The following RNF13 variants were observed in gnomAD, a reference collection of about 807,000 sequenced individuals.
RNF13 encodes E3 ubiquitin-protein ligase RNF13.
In RNF13, 19 loss-of-function variants were observed where a neutral mutation model predicts 37.7. The ratio of observed to expected loss-of-function variants is 0.50; its 90% confidence interval spans 0.35 to 0.74. The LOEUF (loss-of-function observed/expected upper bound fraction) is 0.74, where lower values mean the gene tolerates loss of function less well. Among genes scored for constraint, RNF13 ranks in the 30% least tolerant of loss-of-function variants. The pLI is 0.01. For missense variants in RNF13, 375 were observed against 453.0 expected, an observed-to-expected ratio of 0.83 and a Z score of 1.56; for synonymous variants, 144 against 157.8, an observed-to-expected ratio of 0.91 and a Z score of 0.65.
At chr3:149,858,961 C>G (rs1723937852) in intron 3 of RNF13, among the ~76,000 whole-genome samples, 1 of 152,126 alleles carries the variant, frequency 6.6e-6, no homozygotes, top group South Asian at 2.1e-4. Flanking sequence ...AAGGAAAATG[C>G]AAACATTGCA....
At chr3:149,877,651 G>A (rs911565281) in intron 4 of RNF13, among the ~76,000 whole-genome samples, 1 of 151,676 alleles carries the variant, frequency 6.6e-6, no homozygotes, top group East Asian at 1.9e-4. Context: ...AAGTAGATAC[G>A]ACCTTAAGTA....
chr3:149,946,653 A>G (rs1720795320), intron 8 of RNF13, among the ~76,000 whole-genome samples: 1 of 152,136 alleles, frequency 6.6e-6, no homozygotes, highest in Non-Finnish European at 1.5e-5. Context: ...ACATCAGTTG[A>G]ATGTCTTCTC....
chr3:149,961,374 A>T lies in RNF13; in HGVS notation c.*270A>T, dbSNP rs371168696. 8.5e-4 allele frequency: 496 copies of T among 582,472 alleles called. No individual in the cohort carries two copies. Among genetic ancestry groups the T allele is most frequent in the Non-Finnish European group, 1.1e-3 (354 of 312,412 alleles). The allele number at this position is 582,472 out of a possible 1,614,324, so 36.1% of individuals were successfully genotyped here. A position where few individuals can be genotyped will look rare whatever the true frequency, so the allele number is the denominator to read the frequency against. On this transcript the variant is annotated 3_prime_UTR_variant, in exon 10 of 10. Coordinates refer to ENST00000392894, the MANE Select transcript of RNF13 (RefSeq NM_183381.3). ...ATAGCCAAAACATAAAAAAAAAAAA[A>T]TCCTCAGTATAGCTTGCAATTAAGA...
chr3:149,947,392 TTTC>T (rs558496060), intron 8 of RNF13, among the ~76,000 whole-genome samples: 2 of 152,116 alleles, frequency 1.3e-5, no homozygotes, highest in South Asian at 2.1e-4. Flanking sequence ...TTGCTGCTCA[TTTC>T]TTCTTTCAGT....
intron 1 of RNF13, chr3:149,817,457 TATAAAC>T (rs1263901120): frequency 6.6e-6 from 1 of 152,198 alleles, no homozygotes; most frequent in African/African-American, 2.4e-5. Flanking sequence ...ACCAGGCATT[TATAAAC>T]ATATGTTGAA....
chr3:149,815,806 A>G (rs1719382095), intron 1 of RNF13, among the ~76,000 whole-genome samples: 2 of 152,238 alleles, frequency 1.3e-5, no homozygotes, highest in Admixed American at 6.5e-5. Context: ...AATGTAGCTA[A>G]TATTGATTGG....
At chr3:149,872,281 A>T (rs1038490279) in intron 4 of RNF13, 127 bp downstream of exon 4, 15 of 644,032 alleles carry the variant, frequency 2.3e-5, no homozygotes, top group Middle Eastern at 3.5e-4. Flanking sequence ...AATAAACTGG[A>T]TTCATAGAAT....
intron 8 of RNF13, among the ~76,000 whole-genome samples, chr3:149,949,811 T>C (rs926843684): frequency 6.6e-6 from 1 of 151,824 alleles, no homozygotes; most frequent in East Asian, 1.9e-4. Context: ...TTCTCTTAAC[T>C]TCCTGGATCT....
chr3:149,857,732 C>G (rs544277535), intron 3 of RNF13, among the ~76,000 whole-genome samples: 68 of 152,326 alleles, frequency 4.5e-4, no homozygotes, highest in African/African-American at 1.6e-3. Context: ...TCCCCTTCCC[C>G]CACTCTATGC....
chr3:149,943,045 G>T (rs1720422325), intron 8 of RNF13, among the ~76,000 whole-genome samples: 1 of 152,048 alleles, frequency 6.6e-6, no homozygotes, highest in Non-Finnish European at 1.5e-5. Flanking sequence ...ACTGGTCATG[G>T]TATATAATCC....
intron 4 of RNF13, among the ~76,000 whole-genome samples, chr3:149,878,318 A>T (rs1473850770): frequency 6.6e-6 from 1 of 152,212 alleles, no homozygotes; most frequent in Non-Finnish European, 1.5e-5. Context: ...GAAAGATGGG[A>T]TCGAAAGAAA....
rs150707051 is a variant in RNF13, at chr3:149,886,780, G to A, written c.322-8693G>A. On this transcript the variant is annotated intron_variant, in intron 4 of 9. Transcript: ENST00000392894. ...GTTGAGTTCACTTCTATTTCTGTTC[G>A]TTGAGTACTTTTATCATGAAAGGAT... is the stretch of plus-strand genomic sequence containing the variant. Among the ~76,000 whole-genome samples, 401 of 152,172 alleles carry A rather than the reference G, an allele frequency of 2.6e-3. 2 individuals are homozygous for A. The highest frequency in any genetic ancestry group is 9.2e-3 in the African/African-American group (381 of 41,532).
At chr3:149,864,007 AAT>A (rs1724539351) in intron 3 of RNF13, among the ~76,000 whole-genome samples, 1 of 91,016 alleles carries the variant, frequency 1.1e-5, no homozygotes, top group Non-Finnish European at 2.1e-5. Flanking sequence ...GTTTGATTGG[AAT>A]TTTTTTTTTT....
intron 2 of RNF13, among the ~76,000 whole-genome samples, chr3:149,847,427 G>C (rs967475230): frequency 2.6e-5 from 4 of 152,174 alleles, no homozygotes; most frequent in African/African-American, 7.2e-5. Flanking sequence ...GTGGTCCCCA[G>C]CTGTGCTTCT....
intron 8 of RNF13, among the ~76,000 whole-genome samples, chr3:149,922,859 C>G (rs952057642): frequency 6.6e-6 from 1 of 152,116 alleles, no homozygotes; most frequent in African/African-American, 2.4e-5. Flanking sequence ...TATAGTTTCT[C>G]TGTGATTTAG....
At chr3:149,847,098 G>C (rs1328010726) in intron 2 of RNF13, among the ~76,000 whole-genome samples, 1 of 152,114 alleles carries the variant, frequency 6.6e-6, no homozygotes, top group Non-Finnish European at 1.5e-5. Context: ...CATTCAGTAC[G>C]CACCTCAACT....
chr3:149,848,938 C>G (rs1722891965), intron 2 of RNF13, among the ~76,000 whole-genome samples: 1 of 152,060 alleles, frequency 6.6e-6, no homozygotes, highest in Non-Finnish European at 1.5e-5. Flanking sequence ...AAACTTTATT[C>G]CTGGTGCCTG....
chr3:149,908,278 AT>A (rs1240208394), intron 6 of RNF13, among the ~76,000 whole-genome samples: 2 of 152,068 alleles, frequency 1.3e-5, no homozygotes, highest in Non-Finnish European at 2.9e-5. Flanking sequence ...CACTGGAGGG[AT>A]TGCTGGGGTG....
chr3:149,939,041 C>A, intron 8 of RNF13: 1 of 484,810 alleles, frequency 2.1e-6, no homozygotes, highest in South Asian at 1.6e-5. Context: ...CCTGGTCAGT[C>A]ATCCGGAAGC....
Sources: gnomAD v4.1 joint callset for allele counts (sites outside exome capture counted in the v4.1 genomes callset) on GRCh38, gnomAD v4.1.1 for gene constraint, MANE v1.5 for transcripts, NCBI Gene and HGNC (gene_info 2026-07-23, HGNC 2026-07-21) for gene names.